The following TMEM87B variants were observed in gnomAD, a reference collection of about 807,000 sequenced individuals.
TMEM87B encodes transmembrane protein 87B.
TMEM87B carries 83 observed loss-of-function variants against 80.3 expected under a neutral mutation model. That is an observed-to-expected ratio of 1.03 (90% CI 0.87 to 1.24). The LOEUF is 1.24. Among genes scored for constraint, TMEM87B ranks in the 50% most tolerant of loss-of-function variants. The pLI, the probability that TMEM87B is intolerant of heterozygous loss-of-function variation, is 0.00. For missense variants in TMEM87B, 625 were observed against 674.4 expected (o/e 0.93, Z 0.81); for synonymous variants, 219 against 230.5 (o/e 0.95, Z 0.45).
intron 9 of TMEM87B, among the ~76,000 whole-genome samples, chr2:112,087,174 G>A (rs1311641732): frequency 6.6e-6 from 1 of 151,748 alleles, no homozygotes; most frequent in Non-Finnish European, 1.5e-5. Context: ...CTTTCTCTTT[G>A]TCAACCTTCT....
chr2:112,069,357 G>A (rs1678556053), intron 4 of TMEM87B, among the ~76,000 whole-genome samples: 1 of 152,028 alleles, frequency 6.6e-6, no homozygotes, highest in South Asian at 2.1e-4. Flanking sequence ...TGTGTCTGCT[G>A]TTCCCCTCTT....
chr2:112,082,069 C>T (rs1411720927), intron 8 of TMEM87B, among the ~76,000 whole-genome samples: 1 of 152,164 alleles, frequency 6.6e-6, no homozygotes, highest in Admixed American at 6.5e-5. Flanking sequence ...GCAGGCCATA[C>T]AGCTGGGCAT....
intron 15 of TMEM87B, among the ~76,000 whole-genome samples, chr2:112,101,890 GACAAGTTCATTGAAAAAT>G (rs751834168): frequency 8.5e-5 from 13 of 152,258 alleles, no homozygotes; most frequent in East Asian, 7.7e-4. Context: ...GGATGAGGCA[GACAAGTTCATTGAAAAAT>G]ACAAGTTCAT....
intron 3 of TMEM87B, 56 bp downstream of exon 3, chr2:112,064,309 A>G: frequency 1.2e-5 from 17 of 1,410,038 alleles, no homozygotes; most frequent in Non-Finnish European, 1.7e-5. Flanking sequence ...AATTATGGGT[A>G]TAAAGATTAG....
In TMEM87B at chr2:112,098,618, C is replaced by T. The variant is rs142650212; in HGVS notation, c.1296C>T (p.Asp432=). The change falls in exon 14 of 19, where the codon GAC becomes GAT. Residue 432 remains aspartate (D), a synonymous_variant. Coordinates refer to ENST00000283206, the MANE Select transcript of TMEM87B (RefSeq NM_032824.3). ...AGGATTGGATGGAACGCTGGGTTGA[C>T]GATGCATTTTGGAGCTTCCTTTTTT... ...CQSDWMERWV[D]DAFWSFLFSL... 30 of 1,614,060 alleles carry T rather than the reference C, an allele frequency of 1.9e-5. No individual in the cohort carries two copies. The African/African-American group carries it at 2.7e-4, about 14-fold the overall frequency.
chr2:112,080,931 A>G, intron 6 of TMEM87B, 126 bp from the exon 7 acceptor site: 1 of 754,076 alleles, frequency 1.3e-6, no homozygotes, highest in South Asian at 1.7e-5. Flanking sequence ...AATACCATGT[A>G]TGTGCTACAT....
intron 9 of TMEM87B, among the ~76,000 whole-genome samples, chr2:112,089,051 GCGCCT>G (rs929665303): frequency 2.6e-5 from 4 of 152,184 alleles, no homozygotes; most frequent in Admixed American, 6.5e-5. Context: ...ATGAGCCACT[GCGCCT>G]CGCCCAAAAA....
chr2:112,085,757 T>C (rs988769843), intron 8 of TMEM87B, among the ~76,000 whole-genome samples: 3 of 152,234 alleles, frequency 2.0e-5, no homozygotes, highest in Admixed American at 2.0e-4. Context: ...GAGACAGTGT[T>C]CGGGCTGATA....
intron 9 of TMEM87B, 49 bp from the exon 10 acceptor site, chr2:112,089,576 A>T (rs1395795718): frequency 6.4e-7 from 1 of 1,551,088 alleles, no homozygotes; most frequent in Non-Finnish European, 8.9e-7. Flanking sequence ...GGTGCATTTT[A>T]CTCACCCATG....
intron 6 of TMEM87B, among the ~76,000 whole-genome samples, chr2:112,079,766 T>G (rs575369976): frequency 2.6e-5 from 4 of 152,214 alleles, no homozygotes; most frequent in Admixed American, 6.5e-5. Flanking sequence ...GCACTTACTC[T>G]CTTTCATCTT....
chr2:112,067,126 A>C lies in TMEM87B; in HGVS notation c.450+59A>C, dbSNP rs1678459584. On this transcript the variant is annotated intron_variant, in intron 4 of 18. Coordinates refer to ENST00000283206, the MANE Select transcript of TMEM87B (RefSeq NM_032824.3). ...TTATTCCCAGTGAATACAAGTATCA[A>C]CTGAAGTAATGTTTTATCGGAATTT... 9 of 1,571,052 alleles carry C rather than the reference A, an allele frequency of 5.7e-6. No individual in the cohort carries two copies. The South Asian group carries it at 1.1e-4, about 19-fold the overall frequency.
At chr2:112,083,015 C>T (rs747614509) in intron 8 of TMEM87B, among the ~76,000 whole-genome samples, 3 of 152,204 alleles carry the variant, frequency 2.0e-5, no homozygotes, top group Non-Finnish European at 2.9e-5. Context: ...AGCTGATGTC[C>T]TTTCTGATTT....
chr2:112,090,711 A>G (rs1272962153), intron 10 of TMEM87B, among the ~76,000 whole-genome samples: 1 of 152,178 alleles, frequency 6.6e-6, no homozygotes, highest in South Asian at 2.1e-4. Context: ...GATTACAGAT[A>G]TGAGCTACCA....
chr2:112,087,499 C>T (rs1213398498), intron 9 of TMEM87B, among the ~76,000 whole-genome samples: 1 of 152,020 alleles, frequency 6.6e-6, no homozygotes, highest in Non-Finnish European at 1.5e-5. Context: ...TGCCCCCAGA[C>T]CCTGTCATTT....
intron 10 of TMEM87B, among the ~76,000 whole-genome samples, chr2:112,091,326 T>TC (rs749835338): frequency 2.0e-5 from 3 of 151,922 alleles, no homozygotes; most frequent in South Asian, 2.1e-4. Flanking sequence ...CTAACATGGA[T>TC]CCCCCCCTTC....
At chr2:112,065,415 G>A (rs1023269349) in intron 3 of TMEM87B, among the ~76,000 whole-genome samples, 2 of 152,040 alleles carry the variant, frequency 1.3e-5, no homozygotes, top group Admixed American at 1.3e-4. Context: ...GGAACCTGAG[G>A]CGAGAGGATC....
rs866347404 is a variant in TMEM87B, at chr2:112,055,496, G to C, written c.-96G>C. 8.4e-5 allele frequency: 113 copies of C among 1,343,450 alleles called. No individual in the cohort carries two copies. The Middle Eastern group carries it at 1.3e-3, about 16-fold the overall frequency. 83.2% of individuals were successfully genotyped at this position (1,343,450 alleles called of 1,614,324 possible). ...TCCTCCACACCCGAGTCCGAGCCCC[G>C]CGTCCCGGATTCGGACCCGCCTGCC... On this transcript the variant is annotated 5_prime_UTR_variant, in exon 1 of 19. Coordinates refer to ENST00000283206, the MANE Select transcript of TMEM87B (RefSeq NM_032824.3).
chr2:112,067,594 G>A (rs893861805), intron 4 of TMEM87B, among the ~76,000 whole-genome samples: 4 of 151,916 alleles, frequency 2.6e-5, no homozygotes, highest in Non-Finnish European at 4.4e-5. Flanking sequence ...GCGAGACTCC[G>A]TCTCAAAAAA....
intron 14 of TMEM87B, among the ~76,000 whole-genome samples, chr2:112,100,368 T>C (rs1679596260): frequency 6.6e-6 from 1 of 152,224 alleles, no homozygotes; most frequent in Non-Finnish European, 1.5e-5. Flanking sequence ...CCCTCAACAT[T>C]AAATATTGCA....
Sources: gnomAD v4.1 joint callset for allele counts (sites outside exome capture counted in the v4.1 genomes callset) on GRCh38, gnomAD v4.1.1 for gene constraint, MANE v1.5 for transcripts, NCBI Gene and HGNC (gene_info 2026-07-23, HGNC 2026-07-21) for gene names.